ARHGAP44: variants seen among roughly 807,000 people sequenced by gnomAD.
ARHGAP44 encodes the protein rho GTPase-activating protein 44.
In ARHGAP44, 43 loss-of-function variants were observed where a neutral mutation model predicts 106.8. That is an observed-to-expected ratio of 0.40 (90% CI 0.32 to 0.52). ARHGAP44 has a LOEUF of 0.52. Among genes scored for constraint, ARHGAP44 ranks in the 20% least tolerant of loss-of-function variants. ARHGAP44 has a pLI of 0.48. For missense variants in ARHGAP44, 866 were observed against 1,050.5 expected (o/e 0.82, Z 2.43); for synonymous variants, 439 against 410.3 (o/e 1.07, Z -0.85).
At chr17:12,941,925 A>G (rs1339234373) in intron 8 of ARHGAP44, among the ~76,000 whole-genome samples, 1 of 152,228 alleles carries the variant, frequency 6.6e-6, no homozygotes, top group Non-Finnish European at 1.5e-5. Context: ...CTCTTGATTT[A>G]TAATCGGGGA....
intron 1 of ARHGAP44, among the ~76,000 whole-genome samples, chr17:12,834,122 G>A (rs1567638254): frequency 1.3e-5 from 2 of 152,104 alleles, no homozygotes. Context: ...TTAGATGGTT[G>A]GGGGTGCTTC....
chr17:12,949,981 G>A lies in ARHGAP44; in HGVS notation c.1055+251G>A, dbSNP rs1310745633. Among the ~76,000 whole-genome samples the A allele has an allele frequency of 6.6e-6, 1 of 152,192 alleles. No individual in the cohort carries two copies. Among genetic ancestry groups the A allele is most frequent in the African/African-American group, 2.4e-5 (1 of 41,448 alleles). ...GGGTTGGGAAGTGGCTAAGTAAACT[G>A]TGGAGTGTCTGTACCATCGCACACT... On this transcript the variant is annotated intron_variant, in intron 12 of 20. Transcript: ENST00000379672. The surrounding 1 kb of genome is among the most constrained non-coding windows in gnomAD (Gnocchi z 4.1).
chr17:12,835,739 C>T (rs2035219113), intron 1 of ARHGAP44, among the ~76,000 whole-genome samples: 1 of 152,010 alleles, frequency 6.6e-6, no homozygotes, highest in Non-Finnish European at 1.5e-5. Context: ...TGATAGATCT[C>T]CAGAACTTTT....
intron 16 of ARHGAP44, among the ~76,000 whole-genome samples, chr17:12,961,863 C>T (rs1016410246): frequency 6.6e-6 from 1 of 152,112 alleles, no homozygotes; most frequent in Admixed American, 6.5e-5. Context: ...CAGTTCTTAC[C>T]TGACCTTAAA....
At chr17:12,895,466 G>C (rs1202648803) in intron 2 of ARHGAP44, among the ~76,000 whole-genome samples, 1 of 152,138 alleles carries the variant, frequency 6.6e-6, no homozygotes, top group Non-Finnish European at 1.5e-5. Flanking sequence ...TTTTTCATGT[G>C]TCTGTTGGCT....
intron 16 of ARHGAP44, among the ~76,000 whole-genome samples, chr17:12,964,894 C>T (rs1397965778): frequency 6.6e-6 from 1 of 152,186 alleles, no homozygotes; most frequent in Non-Finnish European, 1.5e-5. Flanking sequence ...CTTCTCTCCT[C>T]TCTGTCTCCA....
chr17:12,907,055 C>T (rs1409614775), intron 3 of ARHGAP44, among the ~76,000 whole-genome samples: 2 of 152,170 alleles, frequency 1.3e-5, no homozygotes, highest in Admixed American at 6.5e-5. Flanking sequence ...GGTTTGGTGC[C>T]TGCCCTCCAT....
At chr17:12,966,918 G>A (rs1390329951) in intron 16 of ARHGAP44, among the ~76,000 whole-genome samples, 1 of 152,120 alleles carries the variant, frequency 6.6e-6, no homozygotes, top group African/African-American at 2.4e-5. Flanking sequence ...AGACAACTCA[G>A]CTAGAATGGT....
Position 12,949,786 on chromosome 17 carries a change from T to C in ARHGAP44, c.1055+56T>C, listed in dbSNP as rs954363907. 7 of 1,527,664 alleles carry C rather than the reference T, an allele frequency of 4.6e-6. No individual in the cohort carries two copies. Among genetic ancestry groups the C allele is most frequent in the Non-Finnish European group, 6.3e-6 (7 of 1,106,020 alleles). The allele number at this position is 1,527,664 out of a possible 1,614,324, so 94.6% of individuals were successfully genotyped here. A position where few individuals can be genotyped will look rare whatever the true frequency, so the allele number is the denominator to read the frequency against. ...GAGTTACAGTTTATTTGGGAGTATGTGCTGAAATTATAGAAGCATGTAACC... is the reference window on the plus strand; with the variant it reads ...GAGTTACAGTTTATTTGGGAGTATGCGCTGAAATTATAGAAGCATGTAACC... On this transcript the variant is annotated intron_variant, in intron 12 of 20. Transcript: ENST00000379672. The surrounding 1 kb of genome is among the most constrained non-coding windows in gnomAD (Gnocchi z 4.1).
chr17:12,797,231 A>T (rs568332001), intron 1 of ARHGAP44, among the ~76,000 whole-genome samples: 20 of 152,264 alleles, frequency 1.3e-4, no homozygotes, highest in Non-Finnish European at 2.5e-4. Context: ...TTATATAAAT[A>T]TGCATGCATT....
intron 1 of ARHGAP44, among the ~76,000 whole-genome samples, chr17:12,797,171 G>A (rs1330797046): frequency 6.6e-6 from 1 of 151,946 alleles, no homozygotes; most frequent in Non-Finnish European, 1.5e-5. Flanking sequence ...CTATCTATTT[G>A]TGGTTTGTTC....
chr17:12,851,149 C>T (rs140882840), intron 1 of ARHGAP44, among the ~76,000 whole-genome samples: 39 of 152,334 alleles, frequency 2.6e-4, no homozygotes, highest in South Asian at 4.1e-4. Flanking sequence ...GTTTATTCCC[C>T]GGGTCCTGCC....
chr17:12,963,731 C>CACCAGTGCCGTGTGT (rs1385080977), intron 16 of ARHGAP44, among the ~76,000 whole-genome samples: 16 of 151,976 alleles, frequency 1.1e-4, no homozygotes, highest in South Asian at 4.2e-4. Context: ...GCCGGCCTTG[C>CACCAGTGCCGTGTGT]GAAGCCCTGC....
chr17:12,905,701 G>T (rs903721557), intron 3 of ARHGAP44, among the ~76,000 whole-genome samples: 6 of 152,184 alleles, frequency 3.9e-5, no homozygotes, highest in Non-Finnish European at 5.9e-5. Flanking sequence ...ACTATCAGAA[G>T]TCCCCTTTAC....
At chr17:12,937,821 C>G (rs2038590460) in intron 7 of ARHGAP44, among the ~76,000 whole-genome samples, 1 of 152,124 alleles carries the variant, frequency 6.6e-6, no homozygotes, top group African/African-American at 2.4e-5. Flanking sequence ...CTACCATTGG[C>G]CAGGCGTGGT....
chr17:12,984,566 C>T lies in ARHGAP44; in HGVS notation c.1975C>T (p.Pro659Ser), dbSNP rs561178275. The T allele has an allele frequency of 1.6e-5, 24 of 1,541,694 alleles. No individual in the cohort carries two copies. The highest frequency in any genetic ancestry group is 2.0e-5 in the Non-Finnish European group (23 of 1,146,276). Reference sequence around the variant, plus strand: ...GCTGGCACCGATTCCACCCAAGGTCCCCTTTGGCCAGCCGGGGGCTATGGC... The same window carrying T: ...GCTGGCACCGATTCCACCCAAGGTCTCCTTTGGCCAGCCGGGGGCTATGGC... ...KKLAPIPPKVPFGQPGAMADQ... is the reference protein window; with the variant it reads ...KKLAPIPPKVSFGQPGAMADQ... The change falls in exon 20 of 21, where the codon CCC (proline) becomes TCC (serine). Residue 659 changes from proline (P) to serine (S), a missense_variant. Coordinates refer to ENST00000379672, the MANE Select transcript of ARHGAP44 (RefSeq NM_014859.6).
intron 19 of ARHGAP44, among the ~76,000 whole-genome samples, chr17:12,980,543 C>A (rs139548788): frequency 2.9e-4 from 44 of 152,296 alleles, no homozygotes; most frequent in African/African-American, 9.4e-4. Flanking sequence ...CCGGGCCCTA[C>A]CTCTGTCATT....
intron 1 of ARHGAP44, among the ~76,000 whole-genome samples, chr17:12,823,599 AC>A (rs1276277716): frequency 6.6e-6 from 1 of 151,998 alleles, no homozygotes; most frequent in Non-Finnish European, 1.5e-5. Flanking sequence ...CTTTTCCCAA[AC>A]TTTGCTGTGT....
rs536096258 is a variant in ARHGAP44 at position 12,916,876 on chromosome 17, G to A, written c.387+865G>A. On this transcript the variant is annotated intron_variant, in intron 5 of 20. Coordinates refer to ENST00000379672, the MANE Select transcript of ARHGAP44 (RefSeq NM_014859.6). The stretch of plus-strand genomic sequence containing the variant: ...AATCCCTCTCAGTTGTTTTTAATTC[G>A]TCATCTGTTAATAGATTGAGCATCT... 3.1e-4 allele frequency among the ~76,000 whole-genome samples: 47 copies of A among 152,268 alleles called. 1 individual carries two copies. The highest frequency in any genetic ancestry group is 8.2e-4 in the African/African-American group (34 of 41,564).
Sources: gnomAD v4.1 joint callset for allele counts (sites outside exome capture counted in the v4.1 genomes callset) on GRCh38, gnomAD v4.1.1 for gene constraint, Gnocchi (gnomAD v3.1) non-coding constraint, MANE v1.5 for transcripts, NCBI Gene and HGNC (gene_info 2026-07-23, HGNC 2026-07-21) for gene names.